Variants in SPON1 observed in about 807,000 individuals in gnomAD.
SPON1 encodes the protein spondin 1, also known as spondin-1.
SPON1 carries 52 observed loss-of-function variants against 111.7 expected under a neutral mutation model. That is an observed-to-expected ratio of 0.47 (90% CI 0.37 to 0.59). SPON1 has a LOEUF of 0.59. Ranked by LOEUF, SPON1 falls within the 20% of genes least tolerant of loss-of-function variation. The pLI is 0.00. For missense variants in SPON1, 957 were observed against 1,068.5 expected (o/e 0.90, Z 1.46); for synonymous variants, 410 against 395.8 (o/e 1.04, Z -0.43).
At chr11:14,078,617 C>T (rs546885807) in intron 4 of SPON1, among the ~76,000 whole-genome samples, 5 of 152,140 alleles carry the variant, frequency 3.3e-5, no homozygotes, top group Non-Finnish European at 7.4e-5. Flanking sequence ...CCCAAAAAGA[C>T]CTGGCCTCCA....
chr11:14,232,804 C>G (rs142560214), intron 6 of SPON1, among the ~76,000 whole-genome samples: 1 of 152,152 alleles, frequency 6.6e-6, no homozygotes. Flanking sequence ...TTGCTGGTTC[C>G]GCTAATTCAC....
chr11:14,106,802 T>C (rs1849188198), intron 5 of SPON1, among the ~76,000 whole-genome samples: 1 of 152,180 alleles, frequency 6.6e-6, no homozygotes, highest in African/African-American at 2.4e-5. Flanking sequence ...ATCCCTTTAC[T>C]ATACCACTGA....
At chr11:14,037,077 G>A (rs1404857455) in intron 2 of SPON1, among the ~76,000 whole-genome samples, 3 of 152,106 alleles carry the variant, frequency 2.0e-5, no homozygotes, top group South Asian at 4.2e-4. Flanking sequence ...ACTGGAGGGG[G>A]ATGAAGAGTT....
chr11:14,123,592 T>G (rs1591381695), intron 5 of SPON1, among the ~76,000 whole-genome samples: 1 of 152,200 alleles, frequency 6.6e-6, no homozygotes, highest in Non-Finnish European at 1.5e-5. Flanking sequence ...TGCCAGGCCT[T>G]GTAAAGTGTC....
chr11:14,084,482 T>C (rs11023085), intron 5 of SPON1, among the ~76,000 whole-genome samples: 10,936 of 152,256 alleles, frequency 0.072, 520 homozygotes, highest in South Asian at 0.19. Flanking sequence ...ATGAACTCAT[T>C]CTTTTTTATG....
chr11:13,979,340 T>A (rs2133779224), intron 1 of SPON1, among the ~76,000 whole-genome samples: 2 of 152,328 alleles, frequency 1.3e-5, no homozygotes, highest in Admixed American at 1.3e-4. Flanking sequence ...CAGCATTACC[T>A]CATCTTAACA....
rs1166332674 is a variant in SPON1 at position 13,972,672 on chromosome 11, A to G, written c.238+9530A>G. Among the ~76,000 whole-genome samples, 4 of 152,200 alleles carry G rather than the reference A, an allele frequency of 2.6e-5. 1 individual carries two copies. The highest frequency in any genetic ancestry group is 1.3e-4 in the Admixed American group (2 of 15,276). ...CTGCTGTCATCCCAATGACATTTAC[A>G]TACCAACTGCCACCCCCAGCATAAG... On this transcript the variant is annotated intron_variant, in intron 1 of 15. Transcript: ENST00000576479.
intron 5 of SPON1, among the ~76,000 whole-genome samples, chr11:14,102,396 A>G (rs1554924468): frequency 6.6e-6 from 1 of 152,236 alleles, no homozygotes; most frequent in African/African-American, 2.4e-5. Flanking sequence ...TGCAATTCAT[A>G]TAAAAATTTA....
intron 5 of SPON1, among the ~76,000 whole-genome samples, chr11:14,106,409 G>C (rs1286099527): frequency 6.6e-6 from 1 of 152,148 alleles, no homozygotes; most frequent in Non-Finnish European, 1.5e-5. Context: ...CAAAGCTAGT[G>C]TCATTTATGT....
chr11:14,262,612 C>T, intron 14 of SPON1, 100 bp from the exon 15 acceptor site: 2 of 1,465,094 alleles, frequency 1.4e-6, no homozygotes, highest in Non-Finnish European at 1.9e-6. Context: ...ACAGCACCTG[C>T]TTTGCATCCC....
chr11:14,097,765 G>A (rs1554924019), intron 5 of SPON1, among the ~76,000 whole-genome samples: 1 of 152,084 alleles, frequency 6.6e-6, no homozygotes, highest in Non-Finnish European at 1.5e-5. Context: ...AGGCAACAGA[G>A]TGAGACCTCA....
At chr11:14,178,008 T>A (rs1488773105) in intron 6 of SPON1, among the ~76,000 whole-genome samples, 1 of 146,378 alleles carries the variant, frequency 6.8e-6, no homozygotes, top group African/African-American at 2.5e-5. Flanking sequence ...AAATCCAAGA[T>A]TCTCTGATTC....
chr11:14,142,362 T>C (rs1847666414), intron 6 of SPON1, among the ~76,000 whole-genome samples: 1 of 152,138 alleles, frequency 6.6e-6, no homozygotes, highest in Non-Finnish European at 1.5e-5. Context: ...AGGCCACAAC[T>C]CCTTTACCAT....
chr11:14,147,500 C>CT (rs1564915560), intron 6 of SPON1, among the ~76,000 whole-genome samples: 1 of 152,180 alleles, frequency 6.6e-6, no homozygotes. Context: ...TCACTGCAAC[C>CT]TCTGCCTCCA....
chr11:14,062,023 G>A (rs919587515), intron 3 of SPON1, among the ~76,000 whole-genome samples: 7 of 152,154 alleles, frequency 4.6e-5, no homozygotes, highest in East Asian at 1.9e-4. Context: ...TAGTTACATC[G>A]TCACATCAGC....
rs138783798 is a variant in SPON1, at chr11:14,185,869, G to A, written c.825+50301G>A. Among the ~76,000 whole-genome samples the A allele has an allele frequency of 2.1e-3, 326 of 152,304 alleles. 1 individual carries two copies. Among genetic ancestry groups the A allele is most frequent in the African/African-American group, 7.2e-3 (299 of 41,566 alleles). Reference sequence around the variant, plus strand: ...TTGCAAAGAGTTATTTAATATGCCCGTCTAACTGATCTGGCAAAGTGGAAG... The same window carrying A: ...TTGCAAAGAGTTATTTAATATGCCCATCTAACTGATCTGGCAAAGTGGAAG... On this transcript the variant is annotated intron_variant, in intron 6 of 15. Coordinates refer to ENST00000576479, the MANE Select transcript of SPON1 (RefSeq NM_006108.4).
chr11:14,010,527 G>C (rs1414198214), intron 2 of SPON1, among the ~76,000 whole-genome samples: 1 of 152,134 alleles, frequency 6.6e-6, no homozygotes, highest in African/African-American at 2.4e-5. Context: ...AATCAGGAAG[G>C]TTTAGATTTT....
chr11:14,234,304 T>G (rs1391770589), intron 6 of SPON1, among the ~76,000 whole-genome samples: 1 of 152,150 alleles, frequency 6.6e-6, no homozygotes, highest in African/African-American at 2.4e-5. Flanking sequence ...CCTTTTCCCT[T>G]CTTTGCTCTG....
chr11:14,250,128 T>C (rs1220997695), intron 7 of SPON1, among the ~76,000 whole-genome samples: 2 of 152,246 alleles, frequency 1.3e-5, no homozygotes, highest in South Asian at 2.1e-4. Flanking sequence ...ATAATATAGA[T>C]ATTAACACTT....
Sources: allele counts gnomAD v4.1 joint callset (sites outside exome capture counted in the v4.1 genomes callset), GRCh38; gene constraint gnomAD v4.1.1; transcripts MANE v1.5; gene names NCBI Gene and HGNC (gene_info 2026-07-23, HGNC 2026-07-21).